Variants in CSDE1 observed in about 807,000 individuals in gnomAD.
CSDE1 encodes cold shock domain-containing protein E1.
CSDE1 carries 17 observed loss-of-function variants against 89.3 expected under a neutral mutation model. The observed-to-expected ratio is 0.19, with a 90% CI of 0.13 to 0.29. The LOEUF is 0.29. Among genes scored for constraint, CSDE1 ranks in the 10% least tolerant of loss-of-function variants. CSDE1 has a pLI of 1.00. For missense variants in CSDE1, 672 were observed against 984.2 expected, an observed-to-expected ratio of 0.68 and a Z score of 4.24; for synonymous variants, 322 against 332.8, an observed-to-expected ratio of 0.97 and a Z score of 0.35.
At chr1:114,736,731 G>T in intron 6 of CSDE1, 27 bp downstream of exon 6, 1 of 1,496,552 alleles carries the variant, frequency 6.7e-7, no homozygotes, top group Non-Finnish European at 9.2e-7. Context: ...CCGCTTAGGT[G>T]AGAAAATTTA....
chr1:114,754,952 C>T (rs1489772614), intron 1 of CSDE1, among the ~76,000 whole-genome samples: 1 of 152,214 alleles, frequency 6.6e-6, no homozygotes, highest in Non-Finnish European at 1.5e-5. Flanking sequence ...GAAAACACCA[C>T]AGACCAGCAG....
chr1:114,747,791 G>A (rs151176472), intron 2 of CSDE1, among the ~76,000 whole-genome samples: 1 of 151,940 alleles, frequency 6.6e-6, no homozygotes, highest in Non-Finnish European at 1.5e-5. Context: ...CTGGGAGGCA[G>A]AGGCTGCAGT....
intron 1 of CSDE1, among the ~76,000 whole-genome samples, chr1:114,757,616 T>C (rs1178125050): frequency 6.6e-6 from 1 of 152,002 alleles, no homozygotes; most frequent in Non-Finnish European, 1.5e-5. Flanking sequence ...TCTGCCTCCA[T>C]CTTGGCTGCT....
intron 18 of CSDE1, 186 bp from the exon 19 acceptor site, chr1:114,718,931 A>C: frequency 1.6e-6 from 1 of 613,264 alleles, no homozygotes; most frequent in Non-Finnish European, 2.8e-6. Context: ...TCCCCAACTC[A>C]AGGTCCCAAC....
intron 6 of CSDE1, among the ~76,000 whole-genome samples, chr1:114,734,976 A>G (rs758124926): frequency 3.3e-5 from 5 of 152,262 alleles, no homozygotes; most frequent in Non-Finnish European, 7.3e-5. Context: ...TACAGAGATA[A>G]ATAGGAGATG....
At chr1:114,725,595 C>T (rs1177704504) in intron 14 of CSDE1, among the ~76,000 whole-genome samples, 2 of 151,900 alleles carry the variant, frequency 1.3e-5, no homozygotes, top group Non-Finnish European at 2.9e-5. Flanking sequence ...GTGGCAGGGC[C>T]TGGATTCAAA....
At chr1:114,721,065 T>C (rs1659493633) in intron 16 of CSDE1, among the ~76,000 whole-genome samples, 1 of 152,202 alleles carries the variant, frequency 6.6e-6, no homozygotes, top group Non-Finnish European at 1.5e-5. Context: ...TCTTCCCAAG[T>C]TCACAATATG....
intron 17 of CSDE1, among the ~76,000 whole-genome samples, chr1:114,720,011 G>A (rs1659425082): frequency 6.6e-6 from 1 of 152,134 alleles, no homozygotes; most frequent in Non-Finnish European, 1.5e-5. Flanking sequence ...AAACTCATCA[G>A]GAAGCTGTTA....
chr1:114,746,225 A>T (rs1330129335), intron 2 of CSDE1, among the ~76,000 whole-genome samples: 1 of 152,238 alleles, frequency 6.6e-6, no homozygotes, highest in Non-Finnish European at 1.5e-5. Context: ...ATTATTCATT[A>T]AAGTGCATTT....
intron 2 of CSDE1, among the ~76,000 whole-genome samples, chr1:114,747,769 A>C (rs1661091283): frequency 6.6e-6 from 1 of 152,104 alleles, no homozygotes; most frequent in African/African-American, 2.4e-5. Context: ...GAGGCAGAAG[A>C]ATCACCTGAA....
At chr1:114,724,441 CCCATATTTTCCA>C (rs1262101146) in intron 15 of CSDE1, among the ~76,000 whole-genome samples, 1 of 151,958 alleles carries the variant, frequency 6.6e-6, no homozygotes, top group Non-Finnish European at 1.5e-5. Flanking sequence ...TCTAGTCTGC[CCCATATTTTCCA>C]CCAAAAAATA....
chr1:114,749,640 T>G (rs928517085), intron 2 of CSDE1, among the ~76,000 whole-genome samples, 181 bp downstream of exon 2: 1 of 152,224 alleles, frequency 6.6e-6, no homozygotes, highest in Non-Finnish European at 1.5e-5. Context: ...GAAAAATGTT[T>G]GACCATAAAT....
At chr1:114,722,486 T>C (rs1659582614) in intron 16 of CSDE1, among the ~76,000 whole-genome samples, 1 of 152,196 alleles carries the variant, frequency 6.6e-6, no homozygotes, top group South Asian at 2.1e-4. Context: ...TAAGTTACAG[T>C]TGTGTTCCTG....
At chr1:114,755,230 G>C (rs1661526783) in intron 1 of CSDE1, among the ~76,000 whole-genome samples, 2 of 152,148 alleles carry the variant, frequency 1.3e-5, no homozygotes, top group East Asian at 3.9e-4. Flanking sequence ...CCACAGAGTA[G>C]GTATAAACTG....
intron 16 of CSDE1, 147 bp from the exon 17 acceptor site, chr1:114,720,864 C>T (rs1659479698): frequency 1.4e-6 from 1 of 691,466 alleles, no homozygotes; most frequent in Non-Finnish European, 2.3e-6. Context: ...CACCTTAAAG[C>T]TTAAATGAAA....
At chr1:114,720,451 T>C in intron 17 of CSDE1, 88 bp downstream of exon 17, 1 of 1,245,374 alleles carries the variant, frequency 8.0e-7, no homozygotes, top group East Asian at 2.5e-5. Flanking sequence ...TGAATGTTGA[T>C]GATTTCCCCT....
intron 15 of CSDE1, 104 bp downstream of exon 15, chr1:114,725,117 G>A: frequency 2.3e-6 from 2 of 868,596 alleles, no homozygotes; most frequent in Non-Finnish European, 3.9e-6. Context: ...AATCGCACAT[G>A]AGAATGACTG....
rs186311152 is a variant in CSDE1 at position 114,749,802 on chromosome 1, T to C, written c.-1+19A>G. The C allele has an allele frequency of 1.3e-5, 2 of 152,754 alleles. No homozygotes were observed. Among genetic ancestry groups the C allele is most frequent in the East Asian group, 1.9e-4 (1 of 5,196 alleles). 9.5% of individuals were successfully genotyped at this position (152,754 alleles called of 1,614,324 possible). A position where few individuals can be genotyped will look rare whatever the true frequency, so the allele number is the denominator to read the frequency against. On this transcript the variant is annotated intron_variant, in intron 2 of 19. Transcript: ENST00000358528. ...CTAGAATTATGGAACTGATTCTTAATAGGAAATTACAAACCTACCTCGCAG... is the reference window on the plus strand; with the variant it reads ...CTAGAATTATGGAACTGATTCTTAACAGGAAATTACAAACCTACCTCGCAG...
At chr1:114,739,428 C>G (rs1057373236) in intron 3 of CSDE1, among the ~76,000 whole-genome samples, 3 of 152,170 alleles carry the variant, frequency 2.0e-5, no homozygotes, top group Non-Finnish European at 2.9e-5. Flanking sequence ...GTTCAATATT[C>G]GTACTGGCTT....
Sources: allele counts gnomAD v4.1 joint callset (sites outside exome capture counted in the v4.1 genomes callset), GRCh38; gene constraint gnomAD v4.1.1; transcripts MANE v1.5; gene names NCBI Gene and HGNC (gene_info 2026-07-23, HGNC 2026-07-21).